BCOR: variants seen among roughly 807,000 people sequenced by gnomAD.
BCOR encodes BCL-6 corepressor.
BCOR carries 10 observed loss-of-function variants against 86.7 expected under a neutral mutation model. The observed-to-expected ratio is 0.12, with a 90% CI of 0.07 to 0.20. BCOR has a LOEUF of 0.20. Ranked by LOEUF, BCOR falls within the 10% of genes least tolerant of loss-of-function variation. BCOR has a pLI of 1.00. For missense variants in BCOR, 1,259 were observed against 1,452.1 expected (o/e 0.87, Z 2.16); for synonymous variants, 611 against 609.0 (o/e 1.00, Z -0.05).
At chrX:40,120,501 C>T (rs1016594948) in intron 1 of BCOR, among the ~76,000 whole-genome samples, 1 of 111,862 alleles carries the variant, frequency 8.9e-6, no homozygotes, top group African/African-American at 3.3e-5. Context: ...CATCCATTTC[C>T]CCCACATCCA....
chrX:40,141,434 T>A (rs1190407500), intron 1 of BCOR, among the ~76,000 whole-genome samples: 1 of 112,531 alleles, frequency 8.9e-6, no homozygotes. Flanking sequence ...GCCAGATGGC[T>A]TGAGGAAGGG....
intron 1 of BCOR, among the ~76,000 whole-genome samples, chrX:40,083,093 C>T (rs1295741813): frequency 9.3e-6 from 1 of 107,995 alleles, no homozygotes; most frequent in Admixed American, 9.7e-5. Context: ...TGAAGAAGTT[C>T]CTATTTTAGG....
chrX:40,072,501 A>G lies in BCOR; in HGVS notation c.2845T>C (p.Ser949Pro). ...GGTTTCAGAACTTTGCCATCATTTG[A>G]TTCAGCCTCATCAGCTCCATCTTTG... ...YTKDGADEAE[S>P]NDGKVLKPKP... Residue 949 changes from serine to proline, a missense_variant, in exon 4 of 15, where the codon TCA becomes CCA. Ser to Pro is a moderately conservative substitution (Grantham distance 74, BLOSUM62 -1). Around this residue, in one of 7 missense-constraint regions of BCOR, gnomAD observed 534 missense variants for 594.8 expected, o/e 0.90. Coordinates refer to ENST00000378444, the MANE Select transcript of BCOR (RefSeq NM_001123385.2). 8.3e-7 allele frequency: 1 copy of G among 1,211,736 alleles called. No homozygotes were observed. Among genetic ancestry groups the G allele is most frequent in the Non-Finnish European group, 1.1e-6 (1 of 895,494 alleles).
chrX:40,088,957 G>C (rs985420446), intron 1 of BCOR, among the ~76,000 whole-genome samples: 1 of 111,999 alleles, frequency 8.9e-6, no homozygotes, highest in African/African-American at 3.3e-5. Context: ...GAGGGGAGAA[G>C]CAAGTCTTTT....
At chrX:40,158,461 C>T (rs948733276) in intron 1 of BCOR, among the ~76,000 whole-genome samples, 6 of 112,539 alleles carry the variant, frequency 5.3e-5, no homozygotes, top group Non-Finnish European at 9.4e-5. Flanking sequence ...CCCCCCTCCC[C>T]GCTGCGGGCC....
chrX:40,111,355 A>C (rs1419495680), intron 1 of BCOR, among the ~76,000 whole-genome samples: 1 of 111,404 alleles, frequency 9.0e-6, no homozygotes, highest in Non-Finnish European at 1.9e-5. Flanking sequence ...TTCCCTGTAC[A>C]CCTGGACTTC....
intron 1 of BCOR, among the ~76,000 whole-genome samples, chrX:40,130,249 CTTAG>C (rs1359022991): frequency 1.8e-5 from 2 of 111,532 alleles, no homozygotes; most frequent in Non-Finnish European, 3.8e-5. Flanking sequence ...GAGGTGGGCA[CTTAG>C]TTACTCTCCT....
intron 7 of BCOR, 30 bp downstream of exon 7, chrX:40,064,306 C>G (rs377299819): frequency 9.1e-6 from 11 of 1,211,839 alleles, no homozygotes; most frequent in Non-Finnish European, 1.2e-5. Context: ...GCCCACCCCC[C>G]GGCAGGCGGG....
Position 40,053,957 on chromosome X carries a change from A to G in BCOR, c.4905T>C (p.Asp1635=). ...DQDDDDDAYS[D]VFEFEFSETP... is the part of the protein sequence containing the mutation. ...TCTCTGAAAATTCAAATTCAAACAC[A>G]TCGCTATAGGCATCGTCATCATCAT... is the stretch of plus-strand genomic sequence containing the variant. The change falls in exon 14 of 15, where the codon GAT becomes GAC. Residue 1635 remains aspartate, a synonymous_variant. Coordinates refer to ENST00000378444, the MANE Select transcript of BCOR (RefSeq NM_001123385.2). The G allele has an allele frequency of 1.7e-6, 2 of 1,210,498 alleles. No individual in the cohort carries two copies. Among genetic ancestry groups the G allele is most frequent in the Non-Finnish European group, 2.2e-6 (2 of 894,749 alleles).
At chrX:40,070,104 G>C (rs1040172904) in intron 6 of BCOR, among the ~76,000 whole-genome samples, 1 of 110,978 alleles carries the variant, frequency 9.0e-6, no homozygotes, top group Non-Finnish European at 1.9e-5. Context: ...AACCTCCGAC[G>C]GCCCATGGTG....
intron 1 of BCOR, among the ~76,000 whole-genome samples, chrX:40,130,553 CCT>C (rs769218878): frequency 2.7e-5 from 3 of 112,366 alleles, no homozygotes; most frequent in Middle Eastern, 4.6e-3. Context: ...CAAGCCTACC[CCT>C]GTCTGCTCTC....
chrX:40,153,482 G>A (rs1938214967), intron 1 of BCOR, among the ~76,000 whole-genome samples: 1 of 111,854 alleles, frequency 8.9e-6, no homozygotes, highest in African/African-American at 3.3e-5. Flanking sequence ...CAAATCTGTC[G>A]CTCCTCCGAC....
intron 1 of BCOR, among the ~76,000 whole-genome samples, chrX:40,126,522 CAAAAAA>C (rs111701164): frequency 1.8e-4 from 13 of 71,560 alleles, no homozygotes; most frequent in African/African-American, 5.1e-4. Context: ...AAAATTCCGT[CAAAAAA>C]AAAAAAAAAG....
upstream of BCOR, among the ~76,000 whole-genome samples, chrX:40,098,743 C>T (rs1937007920): frequency 9.0e-6 from 1 of 111,311 alleles, no homozygotes; most frequent in Admixed American, 9.4e-5. Context: ...GAGCCCTTTC[C>T]CATTTCGGTG....
chrX:40,151,170 A>T (rs1325188848), intron 1 of BCOR, among the ~76,000 whole-genome samples: 1 of 112,129 alleles, frequency 8.9e-6, no homozygotes, highest in Non-Finnish European at 1.9e-5. Context: ...CTCCAAACCA[A>T]GAGGAAAAGC....
rs551678473 is a variant in BCOR at position 40,135,535 on chromosome X, G to A, written c.-41+41472C>T. 1.3e-4 allele frequency among the ~76,000 whole-genome samples: 15 copies of A among 111,117 alleles called. No individual in the cohort carries two copies. The South Asian group carries it at 3.8e-3, about 28-fold the overall frequency. On this transcript the variant is annotated intron_variant, in intron 1 of 14. Coordinates refer to the BCOR transcript ENST00000342274. ...CTCCCGAGTACCTGGGATTACAGGC[G>A]TGTACCACCATACCTGGCTAACTTT...
chrX:40,087,021 T>C (rs1316486811), intron 1 of BCOR, among the ~76,000 whole-genome samples: 1 of 113,453 alleles, frequency 8.8e-6, no homozygotes, highest in Non-Finnish European at 1.9e-5. Context: ...CTCCGAGAGT[T>C]TACTCCTTCT....
intron 1 of BCOR, among the ~76,000 whole-genome samples, chrX:40,106,243 G>T (rs964139749): frequency 9.0e-6 from 1 of 111,034 alleles, no homozygotes; most frequent in African/African-American, 3.3e-5. Context: ...GCCCGGCCCG[G>T]GAAGGCGTTG....
At chrX:40,170,106 G>C (rs1201434997) in intron 1 of BCOR, among the ~76,000 whole-genome samples, 8 of 111,796 alleles carry the variant, frequency 7.2e-5, no homozygotes, top group Non-Finnish European at 1.3e-4. Flanking sequence ...AGGCCTTCAA[G>C]ACGCAGTAGC....
Sources: allele counts gnomAD v4.1 joint callset (sites outside exome capture counted in the v4.1 genomes callset), GRCh38; gene constraint gnomAD v4.1.1; regional missense constraint gnomAD v4.1.1; transcripts MANE v1.5; gene names NCBI Gene and HGNC (gene_info 2026-07-23, HGNC 2026-07-21).